Variants in SPAST observed in about 807,000 individuals in gnomAD.
The protein encoded by SPAST is spastic paraplegia 4 (autosomal dominant; spastin).
In SPAST, 30 loss-of-function variants were observed where a neutral mutation model predicts 76.6. The ratio of observed to expected loss-of-function variants is 0.39; its 90% CI spans 0.29 to 0.53. The LOEUF (loss-of-function observed/expected upper bound fraction) is 0.53, where lower values mean the gene tolerates loss of function less well. SPAST is among the 20% of genes least tolerant of loss of function. The pLI is 0.68. For synonymous variants in SPAST, 305 were observed against 281.0 expected, an observed-to-expected ratio of 1.09 and a Z score of -0.86; for missense variants, 717 against 770.5, an observed-to-expected ratio of 0.93 and a Z score of 0.82.
chr2:32,109,748 T>C (rs1231222473), intron 4 of SPAST, among the ~76,000 whole-genome samples: 1 of 149,138 alleles, frequency 6.7e-6, no homozygotes, highest in East Asian at 1.9e-4. Flanking sequence ...TATATATGTA[T>C]AAGCTATCTG....
At chr2:32,104,000 G>A (rs1309938006) in intron 4 of SPAST, among the ~76,000 whole-genome samples, 2 of 152,120 alleles carry the variant, frequency 1.3e-5, no homozygotes, top group African/African-American at 4.8e-5. Flanking sequence ...GTGCAGAGCT[G>A]AGTTCAGTTC....
At chr2:32,108,758 C>CTTTTTTTTTTTT (rs71407413) in intron 4 of SPAST, among the ~76,000 whole-genome samples, 2 of 73,888 alleles carry the variant, frequency 2.7e-5, no homozygotes, top group African/African-American at 5.2e-5. Context: ...GCTGGTATAG[C>CTTTTTTTTTTTT]TTTTTTTTTT....
chr2:32,106,932 A>G (rs1678347002), intron 4 of SPAST, among the ~76,000 whole-genome samples: 1 of 151,764 alleles, frequency 6.6e-6, no homozygotes, highest in Admixed American at 6.5e-5. Flanking sequence ...TCACATATAA[A>G]TAGTTAAGTT....
At chr2:32,110,808 C>A (rs867565162) in intron 4 of SPAST, among the ~76,000 whole-genome samples, 1 of 124,368 alleles carries the variant, frequency 8.0e-6, no homozygotes, top group African/African-American at 3.0e-5. Context: ...ACATAGTATA[C>A]TATATAGTAT....
At chr2:32,144,895 G>C (rs545523814) in intron 14 of SPAST, 42 bp from the exon 15 acceptor site, 1 of 1,417,302 alleles carries the variant, frequency 7.1e-7, no homozygotes. Context: ...AAAAAAAAGC[G>C]GGAGGGGAAA....
At chr2:32,096,097 G>C (rs1381153941) in intron 3 of SPAST, among the ~76,000 whole-genome samples, 1 of 152,210 alleles carries the variant, frequency 6.6e-6, no homozygotes, top group Non-Finnish European at 1.5e-5. Flanking sequence ...TGATTAATCT[G>C]TACAATCCTA....
intron 4 of SPAST, among the ~76,000 whole-genome samples, chr2:32,108,275 C>T (rs891720328): frequency 1.6e-4 from 24 of 152,224 alleles, no homozygotes; most frequent in African/African-American, 5.8e-4. Flanking sequence ...GCCTCAACAG[C>T]AGATTAGAGA....
chr2:32,095,983 G>A (rs185651508), intron 3 of SPAST, among the ~76,000 whole-genome samples: 1 of 152,294 alleles, frequency 6.6e-6, no homozygotes, highest in Admixed American at 6.5e-5. Context: ...AAGTAGAAGA[G>A]TGTTATATGG....
chr2:32,106,317 A>C (rs1678317662), intron 4 of SPAST, among the ~76,000 whole-genome samples: 1 of 152,186 alleles, frequency 6.6e-6, no homozygotes. Context: ...GGAAAAGCCC[A>C]GTATTAGGGT....
At chr2:32,089,418 G>C in intron 2 of SPAST, 104 bp from the exon 3 acceptor site, 1 of 679,438 alleles carries the variant, frequency 1.5e-6, no homozygotes, top group South Asian at 1.7e-5. Flanking sequence ...AAAAATTTCT[G>C]TATAAAGACT....
intron 4 of SPAST, among the ~76,000 whole-genome samples, chr2:32,112,680 T>G (rs1366107553): frequency 6.6e-6 from 1 of 152,150 alleles, no homozygotes; most frequent in Non-Finnish European, 1.5e-5. Context: ...TAACTTGAAT[T>G]TTATTTATAC....
chr2:32,067,079 T>A (rs538085348), intron 1 of SPAST, among the ~76,000 whole-genome samples: 24 of 152,192 alleles, frequency 1.6e-4, no homozygotes, highest in Middle Eastern at 3.2e-3. Flanking sequence ...TGTTTATTTT[T>A]GAGACGGAGT....
intron 1 of SPAST, among the ~76,000 whole-genome samples, chr2:32,072,905 CT>C (rs1676809653): frequency 6.6e-6 from 1 of 152,178 alleles, no homozygotes; most frequent in Admixed American, 6.5e-5. Flanking sequence ...AGGAATAAAT[CT>C]GATAAATGGA....
chr2:32,127,961 G>A (rs1679249403), intron 8 of SPAST: 1 of 163,052 alleles, frequency 6.1e-6, no homozygotes, highest in African/African-American at 2.4e-5. Context: ...CCATGTATTG[G>A]GGATTGTATT....
chr2:32,064,344 G>C (rs1018753970), intron 1 of SPAST, 98 bp downstream of exon 1: 2 of 1,167,250 alleles, frequency 1.7e-6, no homozygotes, highest in East Asian at 5.2e-5. Context: ...TGCGGGAGGG[G>C]ACGGTGCACC....
At chr2:32,126,793 A>G (rs1679208262) in intron 7 of SPAST, 155 bp from the exon 8 acceptor site, 1 of 598,834 alleles carries the variant, frequency 1.7e-6, no homozygotes, top group Admixed American at 2.9e-5. Flanking sequence ...GCTGTTTTTA[A>G]TTATTACATT....
intron 9 of SPAST, among the ~76,000 whole-genome samples, chr2:32,132,994 C>T (rs867055096): frequency 2.6e-5 from 4 of 151,520 alleles, no homozygotes; most frequent in African/African-American, 4.9e-5. Flanking sequence ...TGCGGTGAGC[C>T]GAGATTGCGC....
Position 32,118,545 on chromosome 2 carries a change from A to G in SPAST, c.1098+2333A>G, listed in dbSNP as rs931479874. ...TGCTGGAGTTATATAAGATTAGTAA[A>G]TGCTATAGACTAAATATTGAAAAAA... On this transcript the variant is annotated intron_variant, in intron 7 of 16. Coordinates refer to ENST00000315285, the MANE Select transcript of SPAST (RefSeq NM_014946.4). Among the ~76,000 whole-genome samples, 4 of 152,228 alleles carry G rather than the reference A, an allele frequency of 2.6e-5. No individual in the cohort carries two copies. The East Asian group carries it at 7.7e-4, about 29-fold the overall frequency.
chr2:32,089,922 C>G (rs1677645521), intron 3 of SPAST, among the ~76,000 whole-genome samples: 1 of 152,114 alleles, frequency 6.6e-6, no homozygotes, highest in African/African-American at 2.4e-5. Context: ...CGCCACCACG[C>G]CCCGCTAATT....
Sources: allele counts gnomAD v4.1 joint callset (sites outside exome capture counted in the v4.1 genomes callset), GRCh38; gene constraint gnomAD v4.1.1; transcripts MANE v1.5; gene names NCBI Gene and HGNC (gene_info 2026-07-23, HGNC 2026-07-21).